BIRC6: variants seen among roughly 807,000 people sequenced by gnomAD.
BIRC6 encodes the protein dual E2 ubiquitin-conjugating enzyme/E3 ubiquitin-protein ligase BIRC6.
Under a neutral mutation model 503.3 loss-of-function variants are expected in BIRC6, and 98 were observed. That is an observed-to-expected ratio of 0.19 (90% CI 0.17 to 0.23). The LOEUF is 0.23. BIRC6 is among the 10% of genes least tolerant of loss of function. BIRC6 has a pLI of 1.00. For missense variants in BIRC6, 5,360 were observed against 5,806.0 expected (o/e 0.92, Z 2.50); for synonymous variants, 2,240 against 2,078.7 (o/e 1.08, Z -2.11).
At chr2:32,377,371 G>C (rs990135821) in intron 1 of BIRC6, among the ~76,000 whole-genome samples, 1 of 151,944 alleles carries the variant, frequency 6.6e-6, no homozygotes, top group African/African-American at 2.4e-5. Flanking sequence ...CAATTTGGTT[G>C]TCAAATTTTA....
At chr2:32,439,486 C>T in intron 15 of BIRC6, 22 bp from the exon 16 acceptor site, 1 of 1,595,828 alleles carries the variant, frequency 6.3e-7, no homozygotes, top group Non-Finnish European at 8.6e-7. Flanking sequence ...GTTATTTTCC[C>T]CATTCTACTC....
At chr2:32,491,603 A>G (rs2051718421) in intron 44 of BIRC6, 45 bp downstream of exon 44, 2 of 1,578,502 alleles carry the variant, frequency 1.3e-6, no homozygotes, top group Non-Finnish European at 1.7e-6. Flanking sequence ...TATTCAATAA[A>G]CAGTATTCGT....
At chr2:32,565,996 C>A (rs142106255) in intron 65 of BIRC6, 1 of 152,170 alleles carries the variant, frequency 6.6e-6, no homozygotes, top group East Asian at 1.9e-4. Flanking sequence ...GAGACACAGC[C>A]AAACCATATC....
chr2:32,454,300 A>T (rs1015363777), intron 23 of BIRC6, among the ~76,000 whole-genome samples: 4 of 152,178 alleles, frequency 2.6e-5, no homozygotes, highest in African/African-American at 9.7e-5. Context: ...GAAGGTTGAG[A>T]TGAGTAAAGA....
Position 32,491,353 on chromosome 2 carries a change from A to G in BIRC6, c.8207-72A>G. 2.9e-6 allele frequency: 4 copies of G among 1,383,070 alleles called. No individual in the cohort carries two copies. In the South Asian group the frequency reaches 6.2e-5, roughly 21 times the overall value. 85.7% of individuals were successfully genotyped at this position (1,383,070 alleles called of 1,614,324 possible). A position where few individuals can be genotyped will look rare whatever the true frequency, so the allele number is the denominator to read the frequency against. On this transcript the variant is annotated intron_variant, in intron 43 of 73. Transcript: ENST00000421745. ...TATGAATTTTCCTTGGAACTAAAAG[A>G]TGCTTTCAGATACTGCATTTCCATT... is the stretch of plus-strand genomic sequence containing the variant.
intron 22 of BIRC6, among the ~76,000 whole-genome samples, chr2:32,452,771 T>C (rs1244541712): frequency 6.6e-6 from 1 of 152,132 alleles, no homozygotes; most frequent in Admixed American, 6.5e-5. Flanking sequence ...AAAGTTGCGT[T>C]AATTCCTAAT....
chr2:32,525,385 T>C (rs557458972), intron 58 of BIRC6, 79 bp from the exon 59 acceptor site: 3 of 1,490,012 alleles, frequency 2.0e-6, no homozygotes, highest in Admixed American at 1.7e-5. Flanking sequence ...GCATGCCTTA[T>C]TAAAATATTT....
chr2:32,617,180 G>A (rs953261281), intron 73 of BIRC6, among the ~76,000 whole-genome samples: 3 of 152,174 alleles, frequency 2.0e-5, no homozygotes, highest in African/African-American at 7.2e-5. Flanking sequence ...GAGGCAGGTG[G>A]ATGACAGTCA....
At chr2:32,462,462 G>A (rs958852129) in intron 23 of BIRC6, among the ~76,000 whole-genome samples, 2 of 152,220 alleles carry the variant, frequency 1.3e-5, no homozygotes, top group African/African-American at 2.4e-5. Context: ...TCATGGGTAA[G>A]AAGTGTGTGC....
At chr2:32,472,157 C>G (rs538691776) in intron 32 of BIRC6, among the ~76,000 whole-genome samples, 1 of 152,332 alleles carries the variant, frequency 6.6e-6, no homozygotes, top group Non-Finnish European at 1.5e-5. Context: ...ACCACCACCT[C>G]CTGGGTTCAC....
In BIRC6 at chr2:32,398,114, C is replaced by T. The variant is rs565973607; in HGVS notation, c.1034+2521C>T. ...GAATGGGACTCATATTTTGACTGTG[C>T]GAGTTGATAGAGAGTTACTTTGGAG... On this transcript the variant is annotated intron_variant, in intron 6 of 73. Transcript: ENST00000421745. Among the ~76,000 whole-genome samples, 4 of 152,014 alleles carry T rather than the reference C, an allele frequency of 2.6e-5. No homozygotes were observed. The East Asian group carries it at 5.8e-4, about 22-fold the overall frequency.
At chr2:32,381,083 T>C (rs538342525) in intron 3 of BIRC6, among the ~76,000 whole-genome samples, 3 of 152,204 alleles carry the variant, frequency 2.0e-5, no homozygotes, top group African/African-American at 7.2e-5. Flanking sequence ...TAAGTTATAC[T>C]GCATATCAAA....
At chr2:32,435,229 T>C (rs1048214439) in intron 13 of BIRC6, among the ~76,000 whole-genome samples, 39 of 152,296 alleles carry the variant, frequency 2.6e-4, no homozygotes, top group Admixed American at 9.8e-4. Flanking sequence ...TAAGAACTTT[T>C]AGTTTAGTTG....
intron 61 of BIRC6, among the ~76,000 whole-genome samples, chr2:32,533,344 A>G (rs1005106562): frequency 2.6e-5 from 4 of 152,246 alleles, no homozygotes; most frequent in Non-Finnish European, 5.9e-5. Context: ...TTGGATGTTT[A>G]GCTGAGATTT....
intron 50 of BIRC6, among the ~76,000 whole-genome samples, chr2:32,507,583 G>A (rs1197173970): frequency 6.6e-6 from 1 of 152,088 alleles, no homozygotes; most frequent in African/African-American, 2.4e-5. Context: ...ATTTAAAATA[G>A]TAAACCATAG....
At chr2:32,389,389 A>G (rs1002958933) in intron 4 of BIRC6, among the ~76,000 whole-genome samples, 3 of 151,968 alleles carry the variant, frequency 2.0e-5, no homozygotes, top group African/African-American at 7.2e-5. Context: ...AAAAAAAAAA[A>G]AGACCAGTTT....
At position 32,599,836 on chromosome 2, in the gene BIRC6, T is replaced by C; in HGVS notation, c.13928T>C (p.Val4643Ala). 1 of 1,613,926 alleles carries C rather than the reference T, an allele frequency of 6.2e-7. No homozygotes were observed. The highest frequency in any genetic ancestry group is 8.5e-7 in the Non-Finnish European group (1 of 1,179,820). The change falls in exon 70 of 74, where the codon GTG (valine) becomes GCG (alanine). Residue 4643 changes from valine to alanine, a missense_variant. By Grantham distance (64) the Val-to-Ala change is moderately conservative. Around this residue, in one of 16 missense-constraint regions of BIRC6, gnomAD observed 66 missense variants for 113.2 expected, o/e 0.58. Transcript: ENST00000421745. ...PQDYPSSPPL[V>A]NLETTGGHSV... ...GATTATCCCAGTTCACCCCCTCTTG[T>C]GAATCTAGAGACAACTGGTGGTCAT...
intron 5 of BIRC6, among the ~76,000 whole-genome samples, chr2:32,393,797 A>G (rs2149596676): frequency 6.6e-6 from 1 of 152,354 alleles, no homozygotes; most frequent in African/African-American, 2.4e-5. Flanking sequence ...TTGTGATTAC[A>G]GGTGTAAGCC....
In BIRC6 at chr2:32,470,250, A is replaced by G. The variant is rs1484635602; in HGVS notation, c.6430A>G (p.Asn2144Asp). The stretch of plus-strand genomic sequence containing the variant: ...AGAAAGCTTACTTAATCTCTTGGAT[A>G]ATTTATTGTCACCTCTTCAGCCACA... ...VLESLLNLLD[N>D]LLSPLQPQLP... Residue 2144 changes from asparagine to aspartate, a missense_variant, in exon 31 of 74, where the codon AAT (asparagine) becomes GAT (aspartate). Physicochemically the swap from Asn to Asp is conservative, Grantham distance 23 (BLOSUM62 1). Coordinates refer to ENST00000421745, the MANE Select transcript of BIRC6 (RefSeq NM_016252.4). 1.3e-6 allele frequency: 2 copies of G among 1,573,276 alleles called. No homozygotes were observed. The highest frequency in any genetic ancestry group is 2.3e-5 in the East Asian group (1 of 43,454).
Sources: gnomAD v4.1 joint callset for allele counts (sites outside exome capture counted in the v4.1 genomes callset) on GRCh38, gnomAD v4.1.1 for gene constraint, gnomAD v4.1.1 regional missense constraint, MANE v1.5 for transcripts, NCBI Gene and HGNC (gene_info 2026-07-23, HGNC 2026-07-21) for gene names.